The following PTGES3 variants were observed in gnomAD, a reference collection of about 807,000 sequenced individuals.
The protein encoded by PTGES3 is prostaglandin E synthase 3, also known as Hsp90 co-chaperone.
A neutral mutation model predicts 29.9 loss-of-function variants in PTGES3; 5 were observed. The ratio of observed to expected loss-of-function variants is 0.17; its 90% CI spans 0.09 to 0.35. The LOEUF (loss-of-function observed/expected upper bound fraction) is 0.35. PTGES3 is among the 10% of genes least tolerant of loss of function. The pLI is 1.00. For missense variants in PTGES3, 128 were observed against 190.0 expected, an observed-to-expected ratio of 0.67 and a Z score of 1.92; for synonymous variants, 49 against 57.8, an observed-to-expected ratio of 0.85 and a Z score of 0.69.
chr12:56,665,837 C>T, intron 6 of PTGES3: 2 of 787,122 alleles, frequency 2.5e-6, no homozygotes, highest in Non-Finnish European at 1.5e-6. Context: ...ACCATGTTGG[C>T]CAGGCTGGTC....
chr12:56,669,988 AG>A (rs1461246198), intron 5 of PTGES3, among the ~76,000 whole-genome samples: 6 of 150,884 alleles, frequency 4.0e-5, no homozygotes, highest in Non-Finnish European at 7.4e-5. Flanking sequence ...AAAAAAAAAA[AG>A]TCCCAATGAT....
chr12:56,678,802 G>A (rs1314972041), intron 1 of PTGES3, among the ~76,000 whole-genome samples: 1 of 152,130 alleles, frequency 6.6e-6, no homozygotes, highest in Non-Finnish European at 1.5e-5. Context: ...CTTCTATTGA[G>A]CTTAGAAATG....
intron 1 of PTGES3, among the ~76,000 whole-genome samples, chr12:56,681,854 C>G (rs541050725): frequency 2.2e-3 from 328 of 151,306 alleles, no homozygotes; most frequent in Non-Finnish European, 3.4e-3. Flanking sequence ...AAGACTCCAT[C>G]TCAAAAAAAA....
intron 1 of PTGES3, among the ~76,000 whole-genome samples, chr12:56,684,373 G>A (rs1001440438): frequency 2.6e-5 from 4 of 152,146 alleles, no homozygotes; most frequent in African/African-American, 4.8e-5. Flanking sequence ...CAGTTGCCAG[G>A]TTACAGTGCA....
At chr12:56,666,587 T>C (rs764915701) in intron 5 of PTGES3, among the ~76,000 whole-genome samples, 4 of 152,214 alleles carry the variant, frequency 2.6e-5, no homozygotes, top group African/African-American at 9.6e-5. Flanking sequence ...TCATTTGTAG[T>C]TGCACAGCTA....
chr12:56,666,163 A>G (rs770208822), intron 6 of PTGES3, 41 bp downstream of exon 6: 5 of 1,556,718 alleles, frequency 3.2e-6, no homozygotes, highest in South Asian at 2.4e-5. Context: ...TTACTATTTA[A>G]TAGTATGAAA....
At chr12:56,680,868 C>T (rs1266749565) in intron 1 of PTGES3, among the ~76,000 whole-genome samples, 3 of 151,120 alleles carry the variant, frequency 2.0e-5, no homozygotes, top group Non-Finnish European at 4.4e-5. Flanking sequence ...GCCTTGACTT[C>T]GCAGGCTCAG....
intron 4 of PTGES3, among the ~76,000 whole-genome samples, chr12:56,670,905 G>A (rs917680445): frequency 1.3e-5 from 2 of 152,148 alleles, no homozygotes; most frequent in African/African-American, 2.4e-5. Flanking sequence ...TCAGGAGTTC[G>A]AGACAGCCTG....
At chr12:56,687,181 T>A (rs1952914301) in intron 1 of PTGES3, 4 of 1,046,348 alleles carry the variant, frequency 3.8e-6, no homozygotes, top group Non-Finnish European at 3.5e-6. Flanking sequence ...TTGGGACGAC[T>A]GTAGGTTAAT....
chr12:56,666,192 T>C lies in PTGES3; in HGVS notation c.438+12A>G, dbSNP rs1951780031. 1 of 1,602,816 alleles carries C rather than the reference T, an allele frequency of 6.2e-7. No individual in the cohort carries two copies. The highest frequency in any genetic ancestry group is 8.5e-7 in the Non-Finnish European group (1 of 1,175,526). On this transcript the variant is annotated intron_variant, in intron 6 of 7. Coordinates refer to ENST00000262033, the MANE Select transcript of PTGES3 (RefSeq NM_006601.7). ...TATGAAAGTAAACAGAAAAAAGAAT[T>C]TTTAGACTTACATCATCTGCTCCAT...
chr12:56,673,789 C>CA (rs57371154), intron 1 of PTGES3, among the ~76,000 whole-genome samples: 6,397 of 92,064 alleles, frequency 0.069, 177 homozygotes, highest in African/African-American at 0.093. Context: ...GAGACTGTCT[C>CA]AAAAAAAAAA....
intron 1 of PTGES3, chr12:56,686,882 TAA>T: frequency 3.1e-5 from 2 of 64,224 alleles, no homozygotes; most frequent in Non-Finnish European, 6.8e-5. Flanking sequence ...TCCAAAGACA[TAA>T]AGTCACTCCC....
intron 6 of PTGES3, 179 bp downstream of exon 6, chr12:56,666,025 T>G: frequency 7.3e-7 from 1 of 1,369,648 alleles, no homozygotes; most frequent in Non-Finnish European, 9.5e-7. Context: ...TACAACCAGT[T>G]CCCTAATAGA....
chr12:56,687,005 C>CGA (rs1952898723), intron 1 of PTGES3: 1 of 86,154 alleles, frequency 1.2e-5, no homozygotes, highest in Non-Finnish European at 2.2e-5. Context: ...AACCTCCCGT[C>CGA]AAAAAAAAAA....
chr12:56,685,701 G>T (rs957397445), intron 1 of PTGES3, among the ~76,000 whole-genome samples: 3 of 148,558 alleles, frequency 2.0e-5, no homozygotes, highest in Non-Finnish European at 4.5e-5. Flanking sequence ...CGCCCGGCAT[G>T]AAAGTAGCAT....
At chr12:56,667,668 G>A (rs1951839790) in intron 5 of PTGES3, among the ~76,000 whole-genome samples, 1 of 152,226 alleles carries the variant, frequency 6.6e-6, no homozygotes, top group Admixed American at 6.5e-5. Flanking sequence ...AATGGTAGAT[G>A]CCAGGAGCTG....
At chr12:56,667,488 A>G (rs1951833652) in intron 5 of PTGES3, among the ~76,000 whole-genome samples, 1 of 152,212 alleles carries the variant, frequency 6.6e-6, no homozygotes, top group Admixed American at 6.5e-5. Flanking sequence ...ATTCAGCCTT[A>G]AAGAAAAAAA....
At chr12:56,673,719 G>C (rs1011246743) in intron 1 of PTGES3, among the ~76,000 whole-genome samples, 2 of 150,380 alleles carry the variant, frequency 1.3e-5, no homozygotes, top group African/African-American at 4.9e-5. Flanking sequence ...CTTGAACCTG[G>C]GAGGCGGAGG....
intron 6 of PTGES3, chr12:56,665,571 C>T (rs1455509344): frequency 1.8e-5 from 18 of 985,364 alleles, no homozygotes; most frequent in Non-Finnish European, 2.2e-5. Flanking sequence ...TCTGTTTTAT[C>T]GGTCTCTGAC....
Sources: gnomAD v4.1 joint callset for allele counts (sites outside exome capture counted in the v4.1 genomes callset) on GRCh38, gnomAD v4.1.1 for gene constraint, MANE v1.5 for transcripts, NCBI Gene and HGNC (gene_info 2026-07-23, HGNC 2026-07-21) for gene names.